Variants in AFF1 observed in about 807,000 individuals in gnomAD.
The protein encoded by AFF1 is AF4/FMR2 family member 1.
AFF1 carries 48 observed loss-of-function variants against 121.7 expected under a neutral mutation model. That is an observed-to-expected ratio of 0.39 (90% CI 0.31 to 0.50). AFF1 has a LOEUF of 0.50. Among genes scored for constraint, AFF1 ranks in the 20% least tolerant of loss-of-function variants. The pLI, the probability that AFF1 is intolerant of heterozygous loss-of-function variation, is 0.76. For missense variants in AFF1, 1,523 were observed against 1,511.7 expected (o/e 1.01, Z -0.12); for synonymous variants, 613 against 563.0 (o/e 1.09, Z -1.26).
At chr4:87,052,768 C>T (rs1164049830) in intron 4 of AFF1, among the ~76,000 whole-genome samples, 6 of 151,276 alleles carry the variant, frequency 4.0e-5, no homozygotes, top group Non-Finnish European at 7.4e-5. Context: ...TGGATAGTAG[C>T]CATGTACGTG....
chr4:87,095,738 G>T (rs1482470212), intron 8 of AFF1, among the ~76,000 whole-genome samples: 1 of 152,144 alleles, frequency 6.6e-6, no homozygotes, highest in Non-Finnish European at 1.5e-5. Context: ...GTTTTAGACT[G>T]CATATTAAAG....
intron 2 of AFF1, among the ~76,000 whole-genome samples, chr4:86,963,166 C>CAAAAA (rs11341612): frequency 8.5e-4 from 54 of 63,206 alleles, no homozygotes; most frequent in South Asian, 2.6e-3. Context: ...ACTCCCATCT[C>CAAAAA]AAAAAAAAAA....
Position 86,941,818 on chromosome 4 carries a change from A to G in AFF1, c.-37+6578A>G, listed in dbSNP as rs144691966. ...CACTGTACTCTAGCCTGGGCAACAG[A>G]GCAAGACCCTGTCTCGAAAAAGATA... On this transcript the variant is annotated intron_variant, in intron 1 of 20. Coordinates refer to ENST00000395146, the MANE Select transcript of AFF1 (RefSeq NM_001166693.3). 3.0e-3 allele frequency among the ~76,000 whole-genome samples: 458 copies of G among 152,080 alleles called. 1 individual carries two copies. Among genetic ancestry groups the G allele is most frequent in the African/African-American group, 0.01 (431 of 41,520 alleles).
At chr4:87,016,373 A>G (rs534666540) in intron 2 of AFF1, among the ~76,000 whole-genome samples, 1 of 151,446 alleles carries the variant, frequency 6.6e-6, no homozygotes, top group South Asian at 2.1e-4. Flanking sequence ...ACACAGTGAA[A>G]CCCCGTCTCT....
intron 2 of AFF1, among the ~76,000 whole-genome samples, chr4:86,984,018 CAG>C (rs527732128): frequency 1.3e-5 from 2 of 151,840 alleles, no homozygotes; most frequent in Non-Finnish European, 2.9e-5. Context: ...GCCTGGGTGA[CAG>C]AGCGAGACTC....
chr4:86,955,223 T>C (rs962932942), intron 2 of AFF1, among the ~76,000 whole-genome samples: 4 of 152,206 alleles, frequency 2.6e-5, no homozygotes, highest in African/African-American at 7.2e-5. Flanking sequence ...TTGTTTTGAT[T>C]GAGAAGGAAA....
At chr4:87,070,798 A>G (rs1265301914) in intron 4 of AFF1, among the ~76,000 whole-genome samples, 2 of 152,214 alleles carry the variant, frequency 1.3e-5, no homozygotes, top group Non-Finnish European at 2.9e-5. Context: ...TTCTAGCTTT[A>G]TGGTTCTCAT....
chr4:87,012,634 TTCATTTGC>T (rs1264209281), intron 2 of AFF1, among the ~76,000 whole-genome samples: 5 of 152,240 alleles, frequency 3.3e-5, no homozygotes, highest in East Asian at 3.8e-4. Flanking sequence ...ATATAAAGTG[TTCATTTGC>T]TCATTTGCTC....
chr4:87,090,067 A>C lies in AFF1; in HGVS notation c.1188A>C (p.Thr396=), dbSNP rs748450096. The change falls in exon 6 of 21, where the codon ACA becomes ACC. Residue 396 remains threonine (T), a synonymous_variant. Transcript: ENST00000395146. ...TAEPSKFPFP[T]KDSQHVSSVT... The stretch of plus-strand genomic sequence containing the variant: ...AGCCATCCAAGTTTCCTTTCCCTAC[A>C]AAGGTAATTCCTTAAAAGTATGGCA... 6.2e-7 allele frequency: 1 copy of C among 1,612,908 alleles called. No homozygotes were observed. The highest frequency in any genetic ancestry group is 8.5e-7 in the Non-Finnish European group (1 of 1,179,066).
chr4:86,955,297 A>G (rs562915457), intron 2 of AFF1, among the ~76,000 whole-genome samples: 3 of 152,268 alleles, frequency 2.0e-5, no homozygotes, highest in Non-Finnish European at 4.4e-5. Context: ...CAGAATGTTC[A>G]TATTGATTAG....
At chr4:87,012,808 T>G (rs908604116) in intron 2 of AFF1, among the ~76,000 whole-genome samples, 1 of 152,128 alleles carries the variant, frequency 6.6e-6, no homozygotes, top group African/African-American at 2.4e-5. Flanking sequence ...CCATGCAAAT[T>G]GCTGACTTTC....
chr4:87,126,810 T>G (rs1728293696), intron 14 of AFF1, among the ~76,000 whole-genome samples: 1 of 152,244 alleles, frequency 6.6e-6, no homozygotes, highest in Non-Finnish European at 1.5e-5. Flanking sequence ...CTCTGATCTC[T>G]TGGACATTCT....
At chr4:86,978,150 TA>T (rs1245904246) in intron 2 of AFF1, among the ~76,000 whole-genome samples, 15 of 79,372 alleles carry the variant, frequency 1.9e-4, no homozygotes, top group South Asian at 6.5e-4. Context: ...GATGGTAGCT[TA>T]CTTCTCTTAC....
intron 6 of AFF1, among the ~76,000 whole-genome samples, chr4:87,090,593 A>C (rs574039985): frequency 8.4e-4 from 128 of 152,310 alleles, no homozygotes; most frequent in Admixed American, 2.7e-3. Context: ...GATAACCTTC[A>C]AAATGTAGAA....
chr4:87,094,824 T>G, intron 7 of AFF1, 91 bp from the exon 8 acceptor site: 1 of 1,242,072 alleles, frequency 8.1e-7, no homozygotes, highest in Non-Finnish European at 1.2e-6. Context: ...TGTGTTTAGG[T>G]AAAAACTGGG....
intron 1 of AFF1, among the ~76,000 whole-genome samples, chr4:86,946,335 G>A (rs1486831773): frequency 3.3e-5 from 5 of 152,118 alleles, no homozygotes; most frequent in Non-Finnish European, 7.4e-5. Context: ...AAGCTCAATG[G>A]TAGCAAGAGT....
At chr4:87,049,762 G>A (rs1308989099) in intron 4 of AFF1, 1 of 456,144 alleles carries the variant, frequency 2.2e-6, no homozygotes, top group South Asian at 1.5e-5. Flanking sequence ...TGGCGCTGTT[G>A]GTGAGTGGGA....
At chr4:87,088,018 G>T (rs1354681244) in intron 5 of AFF1, among the ~76,000 whole-genome samples, 1 of 152,184 alleles carries the variant, frequency 6.6e-6, no homozygotes, top group African/African-American at 2.4e-5. Context: ...TTTATTAAGT[G>T]CCTTCTGTGC....
intron 5 of AFF1, 71 bp downstream of exon 5, chr4:87,084,235 A>G: frequency 2.0e-6 from 3 of 1,515,152 alleles, no homozygotes; most frequent in Non-Finnish European, 2.7e-6. Context: ...ATTTACTTTC[A>G]CTTTAAAGAA....
Sources: gnomAD v4.1 joint callset for allele counts (sites outside exome capture counted in the v4.1 genomes callset) on GRCh38, gnomAD v4.1.1 for gene constraint, MANE v1.5 for transcripts, NCBI Gene and HGNC (gene_info 2026-07-23, HGNC 2026-07-21) for gene names.